The following UNC5D variants were observed in gnomAD, a reference collection of about 807,000 sequenced individuals.
UNC5D encodes unc-5 netrin receptor D.
In UNC5D, 39 loss-of-function variants were observed where a neutral mutation model predicts 105.4. That is an observed-to-expected ratio of 0.37 (90% confidence interval 0.29 to 0.48). The LOEUF (loss-of-function observed/expected upper bound fraction) is 0.48, where lower values mean the gene tolerates loss of function less well. Among genes scored for constraint, UNC5D ranks in the 20% least tolerant of loss-of-function variants. The pLI is 0.98. For missense variants in UNC5D, 991 were observed against 1,202.4 expected (o/e 0.82, Z 2.60); for synonymous variants, 452 against 450.4 (o/e 1.00, Z -0.04).
intron 1 of UNC5D, among the ~76,000 whole-genome samples, chr8:35,343,377 G>A (rs1473818406): frequency 1.3e-5 from 2 of 151,932 alleles, no homozygotes; most frequent in African/African-American, 2.4e-5. Flanking sequence ...CTAACCTGAT[G>A]GGCAAATAAT....
intron 4 of UNC5D, among the ~76,000 whole-genome samples, chr8:35,606,377 G>A (rs917117984): frequency 6.6e-6 from 1 of 152,200 alleles, no homozygotes; most frequent in African/African-American, 2.4e-5. Context: ...ATTAAGGAGA[G>A]TCTGGAGTTT....
chr8:35,319,805 GAAAA>G (rs35966630), intron 1 of UNC5D, among the ~76,000 whole-genome samples: 1 of 145,588 alleles, frequency 6.9e-6, no homozygotes, highest in African/African-American at 2.6e-5. Context: ...TAGAAATGGA[GAAAA>G]AAAAAAAGCA....
chr8:35,539,469 G>A (rs1438761548), intron 1 of UNC5D, among the ~76,000 whole-genome samples: 2 of 152,130 alleles, frequency 1.3e-5, no homozygotes, highest in Non-Finnish European at 2.9e-5. Context: ...AAAGTTAGTT[G>A]TCAATTTAAT....
intron 1 of UNC5D, among the ~76,000 whole-genome samples, chr8:35,517,684 T>C (rs1025921162): frequency 2.6e-5 from 4 of 152,178 alleles, no homozygotes; most frequent in African/African-American, 9.7e-5. Context: ...TGGCTGGAGC[T>C]TTTTAAATTC....
At chr8:35,388,300 G>A (rs891884203) in intron 1 of UNC5D, among the ~76,000 whole-genome samples, 13 of 152,046 alleles carry the variant, frequency 8.6e-5, no homozygotes, top group Non-Finnish European at 1.9e-4. Context: ...GGAGGTGGAG[G>A]TTACAATGAG....
intron 1 of UNC5D, chr8:35,544,669 C>T (rs1376686900): frequency 5.4e-6 from 6 of 1,120,210 alleles, no homozygotes; most frequent in Non-Finnish European, 7.2e-6. Flanking sequence ...ATAGTGTGAT[C>T]ACGGCTCACG....
At chr8:35,681,104 A>G (rs985954161) in intron 4 of UNC5D, among the ~76,000 whole-genome samples, 2 of 152,198 alleles carry the variant, frequency 1.3e-5, no homozygotes, top group African/African-American at 4.8e-5. Context: ...TTACACCTTA[A>G]CATTAACTGT....
intron 1 of UNC5D, among the ~76,000 whole-genome samples, chr8:35,359,746 A>G (rs1020752408): frequency 6.6e-6 from 1 of 152,166 alleles, no homozygotes; most frequent in African/African-American, 2.4e-5. Flanking sequence ...TCTGAAATCC[A>G]TTTTTTATAT....
intron 1 of UNC5D, among the ~76,000 whole-genome samples, chr8:35,440,605 G>A (rs957467556): frequency 6.6e-6 from 1 of 151,912 alleles, no homozygotes. Context: ...GCTAAATTAA[G>A]TAACTAATTT....
At chr8:35,677,997 T>C (rs945523698) in intron 4 of UNC5D, among the ~76,000 whole-genome samples, 7 of 151,906 alleles carry the variant, frequency 4.6e-5, no homozygotes, top group East Asian at 1.9e-4. Context: ...TGTGTATAGA[T>C]AGATACACAC....
intron 1 of UNC5D, among the ~76,000 whole-genome samples, chr8:35,513,425 C>T (rs1319646237): frequency 1.3e-5 from 2 of 151,960 alleles, no homozygotes; most frequent in Non-Finnish European, 2.9e-5. Flanking sequence ...GGCAGGGTTT[C>T]ATCATGTTGG....
Position 35,665,681 on chromosome 8 carries a change from G to A in UNC5D, c.571-17866G>A, listed in dbSNP as rs566651616. 7.4e-5 allele frequency among the ~76,000 whole-genome samples: 8 copies of A among 108,476 alleles called. No individual in the cohort carries two copies. In the East Asian group the frequency reaches 1.2e-3, roughly 16 times the overall value. The allele number at this position is 108,476 out of a possible 152,430, so 71.2% of individuals were successfully genotyped here. Reference sequence around the variant, plus strand: ...TTGCATTTTGCATTTTTTTCATTTTGCAGAGGAAGAATAGGGTTTTGATCT... The same window carrying A: ...TTGCATTTTGCATTTTTTTCATTTTACAGAGGAAGAATAGGGTTTTGATCT... On this transcript the variant is annotated intron_variant, in intron 4 of 16. Coordinates refer to ENST00000404895, the MANE Select transcript of UNC5D (RefSeq NM_080872.4).
intron 1 of UNC5D, among the ~76,000 whole-genome samples, chr8:35,337,035 C>T (rs1163161443): frequency 6.6e-6 from 1 of 151,912 alleles, no homozygotes; most frequent in Non-Finnish European, 1.5e-5. Flanking sequence ...GCTTCTTTTC[C>T]CTGAGTAATA....
intron 1 of UNC5D, among the ~76,000 whole-genome samples, chr8:35,542,784 G>A (rs1485163409): frequency 6.6e-6 from 1 of 152,174 alleles, no homozygotes; most frequent in Non-Finnish European, 1.5e-5. Context: ...ACTCTGAGAT[G>A]AAAATGATAA....
chr8:35,745,599 T>C (rs978512155), intron 11 of UNC5D, among the ~76,000 whole-genome samples: 3 of 152,192 alleles, frequency 2.0e-5, no homozygotes, highest in South Asian at 2.1e-4. Flanking sequence ...AGAGTTCCTA[T>C]AGAAATAAGA....
intron 16 of UNC5D, among the ~76,000 whole-genome samples, chr8:35,784,461 T>A (rs1396714675): frequency 6.6e-6 from 1 of 152,114 alleles, no homozygotes; most frequent in African/African-American, 2.4e-5. Flanking sequence ...GAGATTAGAT[T>A]GTTTAGGCCA....
chr8:35,480,537 A>G (rs893109752), intron 1 of UNC5D, among the ~76,000 whole-genome samples: 1 of 152,070 alleles, frequency 6.6e-6, no homozygotes, highest in African/African-American at 2.4e-5. Context: ...TTCATTGTTC[A>G]CTCCTACTTG....
intron 1 of UNC5D, among the ~76,000 whole-genome samples, chr8:35,463,434 C>T (rs1809045788): frequency 6.6e-6 from 1 of 152,144 alleles, no homozygotes; most frequent in Admixed American, 6.6e-5. Flanking sequence ...TTTTCTGAAG[C>T]CAGGCTACCT....
At chr8:35,767,347 G>A (rs1262960410) in intron 15 of UNC5D, among the ~76,000 whole-genome samples, 5 of 152,132 alleles carry the variant, frequency 3.3e-5, no homozygotes, top group Non-Finnish European at 5.9e-5. Context: ...AAAATCACAA[G>A]AAGTCTTATT....
Sources: allele counts gnomAD v4.1 joint callset (sites outside exome capture counted in the v4.1 genomes callset), GRCh38; gene constraint gnomAD v4.1.1; transcripts MANE v1.5; gene names NCBI Gene and HGNC (gene_info 2026-07-23, HGNC 2026-07-21).